TEX48: variants seen among roughly 807,000 people sequenced by gnomAD.
The protein encoded by TEX48 is testis expressed 48.
In TEX48, 10 loss-of-function variants were observed where a neutral mutation model predicts 13.2. The ratio of observed to expected loss-of-function variants is 0.75; its 90% CI spans 0.47 to 1.28. The LOEUF is 1.28. Ranked by LOEUF, TEX48 falls within the 50% of genes most tolerant of loss-of-function variation. TEX48 has a pLI of 0.00. For missense variants in TEX48, 116 were observed against 139.4 expected, an observed-to-expected ratio of 0.83 and a Z score of 0.84; for synonymous variants, 45 against 52.3, an observed-to-expected ratio of 0.86 and a Z score of 0.60.
rs546006912 is a variant in TEX48 at position 114,669,272 on chromosome 9, A to ATTAT, written c.128-939_128-936dup. 7.8e-4 allele frequency among the ~76,000 whole-genome samples: 119 copies of ATTAT among 152,024 alleles called. 2 individuals are homozygous for ATTAT. The East Asian group carries it at 9.9e-3, about 13-fold the overall frequency. On this transcript the variant is annotated intron_variant, in intron 3 of 4. Transcript: ENST00000436752. Reference sequence around the variant, plus strand: ...TATTTAACCAAAGTTCCAATGTTGTATTATTTATTTATTTATTTATTTTTT... The same window carrying ATTAT: ...TATTTAACCAAAGTTCCAATGTTGTATTATTTATTTATTTATTTATTTATTTTTT...
intron 3 of TEX48, among the ~76,000 whole-genome samples, chr9:114,670,390 A>G (rs1432845473): frequency 7.9e-5 from 12 of 152,116 alleles, no homozygotes. Flanking sequence ...TCATTGTATT[A>G]TCCTGTCTCT....
intron 1 of TEX48, among the ~76,000 whole-genome samples, chr9:114,677,761 C>A (rs1237743547): frequency 6.7e-6 from 1 of 148,340 alleles, no homozygotes; most frequent in African/African-American, 2.5e-5. Flanking sequence ...AAAAGAAGGT[C>A]ACTTTTTTTT....
chr9:114,674,604 TC>T (rs1564317089), intron 1 of TEX48, among the ~76,000 whole-genome samples: 11 of 18,734 alleles, frequency 5.9e-4, no homozygotes, highest in Non-Finnish European at 1.1e-3. Flanking sequence ...TCTTTTTCTT[TC>T]CTTCCTTCCT....
chr9:114,667,725 C>G (rs562021631), intron 4 of TEX48, among the ~76,000 whole-genome samples: 2 of 152,084 alleles, frequency 1.3e-5, no homozygotes, highest in East Asian at 3.9e-4. Flanking sequence ...ATGGTGAAAC[C>G]CTTTTTCTAC....
At chr9:114,673,013 C>T (rs915883447) in intron 1 of TEX48, among the ~76,000 whole-genome samples, 1 of 152,048 alleles carries the variant, frequency 6.6e-6, no homozygotes, top group African/African-American at 2.4e-5. Flanking sequence ...GAAGAGTACC[C>T]CACTGACCTT....
chr9:114,669,009 A>T (rs1827893449), intron 3 of TEX48, among the ~76,000 whole-genome samples: 1 of 151,550 alleles, frequency 6.6e-6, no homozygotes, highest in South Asian at 2.1e-4. Context: ...GCTAATTTTT[A>T]AATTTTTTTT....
chr9:114,680,917 C>T (rs531217700), intron 1 of TEX48, among the ~76,000 whole-genome samples: 6 of 152,284 alleles, frequency 3.9e-5, no homozygotes, highest in South Asian at 4.1e-4. Context: ...CACCAGTCCA[C>T]GAACTCAACA....
chr9:114,681,504 A>T (rs140931035), intron 1 of TEX48, among the ~76,000 whole-genome samples: 17 of 152,324 alleles, frequency 1.1e-4, no homozygotes, highest in Non-Finnish European at 2.5e-4. Context: ...TAAAATGGGG[A>T]TGAGAATAAT....
chr9:114,669,789 A>T (rs1827912829), intron 3 of TEX48, among the ~76,000 whole-genome samples: 1 of 152,118 alleles, frequency 6.6e-6, no homozygotes, highest in African/African-American at 2.4e-5. Flanking sequence ...CATGTTGCCC[A>T]GGCTGGTCTT....
At chr9:114,675,487 G>A (rs10513255) in intron 1 of TEX48, among the ~76,000 whole-genome samples, 3,822 of 152,210 alleles carry the variant, frequency 0.025, 144 homozygotes, top group African/African-American at 0.085. Flanking sequence ...CCATCTGCTC[G>A]TGTTCATCAG....
chr9:114,679,969 A>G (rs1423425593), intron 1 of TEX48, among the ~76,000 whole-genome samples: 1 of 152,128 alleles, frequency 6.6e-6, no homozygotes, highest in Non-Finnish European at 1.5e-5. Context: ...TTGTGCCTGG[A>G]TTAATATCAC....
intron 1 of TEX48, among the ~76,000 whole-genome samples, chr9:114,674,633 C>T (rs1206403626): frequency 8.0e-6 from 1 of 125,640 alleles, no homozygotes; most frequent in African/African-American, 3.1e-5. Context: ...TTCCTTCCTT[C>T]CTTCCTTCCT....
chr9:114,677,957 C>CGTATATATA (rs1828108249), intron 1 of TEX48, among the ~76,000 whole-genome samples: 2 of 151,786 alleles, frequency 1.3e-5, no homozygotes, highest in South Asian at 4.2e-4. Context: ...GGAAAAACTC[C>CGTATATATA]GTATATATAC....
chr9:114,669,632 G>A (rs1188836566), intron 3 of TEX48, among the ~76,000 whole-genome samples: 3 of 152,170 alleles, frequency 2.0e-5, no homozygotes, highest in Non-Finnish European at 4.4e-5. Context: ...ATAGAGACGG[G>A]GTTTCTCCAT....
intron 1 of TEX48, among the ~76,000 whole-genome samples, chr9:114,680,040 G>A (rs1828158021): frequency 6.6e-6 from 1 of 151,494 alleles, no homozygotes; most frequent in South Asian, 2.1e-4. Context: ...TAAGGTAGAT[G>A]GTCATGCCAG....
At chr9:114,667,004 G>A (rs1827853817) in intron 4 of TEX48, among the ~76,000 whole-genome samples, 1 of 152,182 alleles carries the variant, frequency 6.6e-6, no homozygotes, top group South Asian at 2.1e-4. Context: ...TGGAAGGTAG[G>A]AGACTTGGGC....
rs1564316273 is a variant in TEX48, at chr9:114,671,764, A to AG, written c.-42dup. On this transcript the variant is annotated 5_prime_UTR_variant, in exon 2 of 5. Transcript: ENST00000436752. Reference sequence around the variant, plus strand: ...CTTCTACTCTGCCAGCTTTGTCTGCAGGGGTGCCTTGTTGAATCAGCCAGT... The same window carrying AG: ...CTTCTACTCTGCCAGCTTTGTCTGCAGGGGGTGCCTTGTTGAATCAGCCAGT... 1 of 1,535,396 alleles carries AG rather than the reference A, an allele frequency of 6.5e-7. No homozygotes were observed. Among genetic ancestry groups the AG allele is most frequent in the Admixed American group, 2.0e-5 (1 of 50,984 alleles).
chr9:114,676,385 T>C (rs9886711), intron 1 of TEX48, among the ~76,000 whole-genome samples: 91,696 of 151,492 alleles, frequency 0.61, 27,888 homozygotes, highest in Admixed American at 0.68. Context: ...TGCCCAGGCT[T>C]ATCTCGAATT....
At chr9:114,676,044 A>G (rs1438478684) in intron 1 of TEX48, among the ~76,000 whole-genome samples, 1 of 152,272 alleles carries the variant, frequency 6.6e-6, no homozygotes, top group African/African-American at 2.4e-5. Flanking sequence ...CTGTTATTGT[A>G]CAGTGACTGC....
Sources: gnomAD v4.1 joint callset for allele counts (sites outside exome capture counted in the v4.1 genomes callset) on GRCh38, gnomAD v4.1.1 for gene constraint, MANE v1.5 for transcripts, NCBI Gene and HGNC (gene_info 2026-07-23, HGNC 2026-07-21) for gene names.